ABAT: variants seen among roughly 807,000 people sequenced by gnomAD.
The protein encoded by ABAT is 4-aminobutyrate aminotransferase.
Under a neutral mutation model 64.6 loss-of-function variants are expected in ABAT, and 45 were observed. That is an observed-to-expected ratio of 0.70 (90% CI 0.55 to 0.89). ABAT has a LOEUF of 0.89. Among genes scored for constraint, ABAT ranks in the 40% least tolerant of loss-of-function variants. The pLI, the probability that ABAT is intolerant of heterozygous loss-of-function variation, is 0.00. For synonymous variants in ABAT, 297 were observed against 250.5 expected (o/e 1.19, Z -1.75); for missense variants, 633 against 658.4 (o/e 0.96, Z 0.42).
In ABAT at chr16:8,783,995, A is replaced by G. The variant is rs1268118050; in HGVS notation, c.*2565A>G. On this transcript the variant is annotated 3_prime_UTR_variant, in exon 16 of 16. Coordinates refer to ENST00000268251, the MANE Select transcript of ABAT (RefSeq NM_020686.6). ...ATGCTCTTTTGGGGGCTGGGGCTTTAGCTAGAAGAATTTCAAGGAAAAGAA... is the reference window on the plus strand; with the variant it reads ...ATGCTCTTTTGGGGGCTGGGGCTTTGGCTAGAAGAATTTCAAGGAAAAGAA... 1 of 152,212 alleles carries G rather than the reference A, an allele frequency of 6.6e-6. No individual in the cohort carries two copies. The highest frequency in any genetic ancestry group is 1.5e-5 in the Non-Finnish European group (1 of 68,036). 9.4% of individuals were successfully genotyped at this position (152,212 alleles called of 1,614,324 possible).
intron 5 of ABAT, among the ~76,000 whole-genome samples, chr16:8,751,198 C>A (rs2059471180): frequency 6.6e-6 from 1 of 152,174 alleles, no homozygotes; most frequent in Admixed American, 6.6e-5. Flanking sequence ...ATCTGCCTGC[C>A]TCAGCCTCCC....
intron 1 of ABAT, among the ~76,000 whole-genome samples, chr16:8,691,377 G>T (rs1264194479): frequency 5.3e-5 from 8 of 151,980 alleles, no homozygotes; most frequent in Admixed American, 4.6e-4. Flanking sequence ...CATCACATTG[G>T]AGCAGATAAC....
chr16:8,738,011 AGAAAG>A (rs1281351762), intron 2 of ABAT, among the ~76,000 whole-genome samples: 1 of 107,778 alleles, frequency 9.3e-6, no homozygotes, highest in African/African-American at 4.0e-5. Flanking sequence ...AAAGAAAGAA[AGAAAG>A]GAAAGAAAGA....
chr16:8,712,268 T>A (rs1478747302), intron 1 of ABAT, among the ~76,000 whole-genome samples: 2 of 152,142 alleles, frequency 1.3e-5, no homozygotes, highest in Non-Finnish European at 2.9e-5. Flanking sequence ...ATTTTTGTTT[T>A]AAAAATTACC....
chr16:8,757,932 T>C (rs1280335637), intron 6 of ABAT, 126 bp downstream of exon 6: 36 of 1,111,112 alleles, frequency 3.2e-5, no homozygotes, highest in African/African-American at 4.6e-5. Context: ...ATTGAGCCCA[T>C]ACTATGTGCC....
At chr16:8,715,855 C>T (rs1448755610) in intron 1 of ABAT, among the ~76,000 whole-genome samples, 6 of 151,842 alleles carry the variant, frequency 4.0e-5, no homozygotes, top group Non-Finnish European at 7.4e-5. Flanking sequence ...TGTAAGAGAA[C>T]ATTCTTGTTC....
intron 1 of ABAT, among the ~76,000 whole-genome samples, chr16:8,711,557 T>G (rs1160722932): frequency 6.6e-6 from 1 of 152,228 alleles, no homozygotes; most frequent in African/African-American, 2.4e-5. Flanking sequence ...AGATGATGAC[T>G]GTGAGAACGT....
In ABAT at chr16:8,684,402, G is replaced by A. The variant is rs533158086; in HGVS notation, c.-42+9691G>A. On this transcript the variant is annotated intron_variant, in intron 1 of 15. Transcript: ENST00000268251. ...AGCCTGGCCAACATGGCCAAACCCC[G>A]CCTCTACAAAAAATACTAAAATTAG... 6.6e-5 allele frequency among the ~76,000 whole-genome samples: 10 copies of A among 152,028 alleles called. No homozygotes were observed. In the East Asian group the frequency reaches 1.7e-3, roughly 26 times the overall value.
rs55862439 is a variant in ABAT at position 8,737,991 on chromosome 16, G to GAAAAAGAAAGAAAGAAAGAAAGAAA, written c.70+2182_70+2183insAAAAAGAAAGAAAGAAAGAAAGAAA. Among the ~76,000 whole-genome samples, 3 of 14,962 alleles carry GAAAAAGAAAGAAAGAAAGAAAGAAA rather than the reference G, an allele frequency of 2.0e-4. 1 individual carries two copies. The highest frequency in any genetic ancestry group is 1.9e-3 in the Admixed American group (2 of 1,070). 9.8% of individuals were successfully genotyped at this position (14,962 alleles called of 152,430 possible). ...AAGGAAGGAAGGAAGGAAGGAAGGA[G>GAAAAAGAAAGAAAGAAAGAAAGAAA]GAAAGAAAGAAAGAAAGAAAGAAAG... On this transcript the variant is annotated intron_variant, in intron 2 of 15. Transcript: ENST00000268251.
intron 9 of ABAT, among the ~76,000 whole-genome samples, chr16:8,767,694 A>C (rs377757430): frequency 9.2e-5 from 14 of 152,262 alleles, no homozygotes; most frequent in Non-Finnish European, 1.9e-4. Flanking sequence ...ACTTGTTTTG[A>C]GACAGAGTCT....
chr16:8,743,984 G>T (rs1641007), intron 2 of ABAT, among the ~76,000 whole-genome samples: 75,977 of 151,832 alleles, frequency 0.5, 21,304 homozygotes, highest in Non-Finnish European at 0.61. Flanking sequence ...GATCAGCAAG[G>T]CTTGGGCTTG....
At chr16:8,740,333 A>T (rs1395696988) in intron 2 of ABAT, among the ~76,000 whole-genome samples, 4 of 152,124 alleles carry the variant, frequency 2.6e-5, no homozygotes, top group African/African-American at 9.7e-5. Flanking sequence ...CTCTGGCTCA[A>T]GGTCTGTCAT....
At chr16:8,747,523 A>G (rs960606366) in intron 3 of ABAT, among the ~76,000 whole-genome samples, 1 of 152,150 alleles carries the variant, frequency 6.6e-6, no homozygotes, top group Non-Finnish European at 1.5e-5. Context: ...TATTCTTGTC[A>G]TGAATATTAT....
intron 1 of ABAT, among the ~76,000 whole-genome samples, chr16:8,728,464 G>A (rs1203962201): frequency 6.6e-6 from 1 of 152,102 alleles, no homozygotes; most frequent in South Asian, 2.1e-4. Flanking sequence ...TCAGACAAGT[G>A]GTTTTAAGGG....
intron 2 of ABAT, among the ~76,000 whole-genome samples, chr16:8,737,778 A>C (rs2058993036): frequency 6.7e-6 from 1 of 149,512 alleles, no homozygotes; most frequent in Non-Finnish European, 1.5e-5. Context: ...CAAAAAAAAA[A>C]TTAGCCGGGT....
chr16:8,727,084 G>A (rs569727304), intron 1 of ABAT, among the ~76,000 whole-genome samples: 1 of 152,078 alleles, frequency 6.6e-6, no homozygotes, highest in Non-Finnish European at 1.5e-5. Flanking sequence ...TTTATATTCT[G>A]GTTATTAATC....
At chr16:8,674,784 C>A (rs1490152717) in intron 1 of ABAT, 73 bp downstream of exon 1, 1 of 152,412 alleles carries the variant, frequency 6.6e-6, no homozygotes, top group Non-Finnish European at 1.5e-5. Context: ...TTCTGCCCTG[C>A]CCCCAGGAGC....
chr16:8,758,758 C>G (rs934651012), intron 6 of ABAT, among the ~76,000 whole-genome samples: 1 of 152,178 alleles, frequency 6.6e-6, no homozygotes, highest in African/African-American at 2.4e-5. Context: ...CAATACATGA[C>G]ACCTGTCTCT....
intron 10 of ABAT, 102 bp downstream of exon 10, chr16:8,768,358 C>A: frequency 9.2e-7 from 1 of 1,084,476 alleles, no homozygotes; most frequent in Non-Finnish European, 1.3e-6. Flanking sequence ...TATTGTCCCA[C>A]TGATTGCACA....
Sources: gnomAD v4.1 joint callset for allele counts (sites outside exome capture counted in the v4.1 genomes callset) on GRCh38, gnomAD v4.1.1 for gene constraint, MANE v1.5 for transcripts, NCBI Gene and HGNC (gene_info 2026-07-23, HGNC 2026-07-21) for gene names.